OBSL1: variants seen among roughly 807,000 people sequenced by gnomAD.
OBSL1 encodes obscurin-like protein 1.
Under a neutral mutation model 172.0 loss-of-function variants are expected in OBSL1, and 160 were observed. The observed-to-expected ratio is 0.93, with a 90% CI of 0.82 to 1.06. The LOEUF is 1.06. OBSL1 is among the 50% of genes least tolerant of loss of function. The pLI is 0.00. For missense variants in OBSL1, 2,681 were observed against 2,715.4 expected, an observed-to-expected ratio of 0.99 and a Z score of 0.28; for synonymous variants, 1,200 against 1,196.3, an observed-to-expected ratio of 1.00 and a Z score of -0.06.
In OBSL1 at chr2:219,567,463, G is replaced by C. The variant is rs772525962; in HGVS notation, c.1647C>G (p.Phe549Leu). ...KPPEPAPETPFIYRLERQEVG... is the reference protein window; with the variant it reads ...KPPEPAPETPLIYRLERQEVG... The stretch of plus-strand genomic sequence containing the variant: ...CTTCCTGCCGCTCCAGCCGGTAGAT[G>C]AATGGGGTCTCGGGAGCTGGCTCGG... The change falls in exon 4 of 21, where the codon TTC becomes TTG. Residue 549 changes from phenylalanine to leucine, a missense_variant. Phe to Leu is a conservative substitution (Grantham distance 22). This residue lies in a region of OBSL1 where 706 missense variants were observed against 695.8 expected (regional missense o/e 1.01). Transcript: ENST00000404537. 29 of 1,613,646 alleles carry C rather than the reference G, an allele frequency of 1.8e-5. 2 individuals are homozygous for C. The South Asian group carries it at 3.2e-4, about 18-fold the overall frequency.
chr2:219,571,120 T>A lies in OBSL1; in HGVS notation c.113A>T (p.Glu38Val). 1.4e-6 allele frequency: 2 copies of A among 1,471,666 alleles called. No individual in the cohort carries two copies. The highest frequency in any genetic ancestry group is 1.8e-6 in the Non-Finnish European group (2 of 1,116,918). The allele number at this position is 1,471,666 out of a possible 1,614,324, so 91.2% of individuals were successfully genotyped here. A position where few individuals can be genotyped will look rare whatever the true frequency, so the allele number is the denominator to read the frequency against. The part of the protein sequence containing the change: ...EAELKCVVLG[E>V]PPPVVVWEKG... ...CTCCCACACCACTACAGGCGGCGGCTCCCCCAGGACCACGCACTTGAGCTC... is the reference window on the plus strand; with the variant it reads ...CTCCCACACCACTACAGGCGGCGGCACCCCCAGGACCACGCACTTGAGCTC... Residue 38 changes from glutamate to valine, a missense_variant, in exon 1 of 21, where the codon GAG (glutamate) becomes GTG (valine). Glu to Val is a moderately radical substitution (Grantham distance 121). This residue lies in a region of OBSL1 where 90 missense variants were observed against 76.6 expected (regional missense o/e 1.18). Coordinates refer to ENST00000404537, the MANE Select transcript of OBSL1 (RefSeq NM_015311.3).
intron 17 of OBSL1, 43 bp downstream of exon 17, chr2:219,552,825 G>A (rs930720783): frequency 1.4e-5 from 22 of 1,536,470 alleles, no homozygotes; most frequent in Non-Finnish European, 1.8e-5. Flanking sequence ...CGCAAGTCTC[G>A]CGCCCAAAGC....
intron 6 of OBSL1, among the ~76,000 whole-genome samples, chr2:219,564,667 C>A (rs115679927): frequency 6.6e-6 from 1 of 152,176 alleles, no homozygotes; most frequent in Non-Finnish European, 1.5e-5. Flanking sequence ...GCACGCTGTG[C>A]GTGGCACACA....
chr2:219,552,827 G>C (rs543188667), intron 17 of OBSL1, 41 bp downstream of exon 17: 13 of 1,538,750 alleles, frequency 8.4e-6, no homozygotes, highest in Non-Finnish European at 1.1e-5. Flanking sequence ...CAAGTCTCGC[G>C]CCCAAAGCAG....
downstream of OBSL1, chr2:219,548,172 C>G: frequency 8.3e-7 from 1 of 1,209,348 alleles, no homozygotes. Flanking sequence ...GGGACAGCAG[C>G]AGAAGGCCTC....
downstream of OBSL1, among the ~76,000 whole-genome samples, chr2:219,548,485 G>A (rs567234929): frequency 3.9e-5 from 6 of 152,200 alleles, no homozygotes; most frequent in South Asian, 4.1e-4. Context: ...GGTCAGGGAA[G>A]GCTGCTTGAA....
intron 20 of OBSL1, chr2:219,551,078 C>A: frequency 7.1e-7 from 1 of 1,416,854 alleles, no homozygotes; most frequent in Non-Finnish European, 9.2e-7. Flanking sequence ...TGGGATGTCT[C>A]TTATGGGGAA....
At position 219,552,677 on chromosome 2, in the gene OBSL1, A is replaced by G. The variant is rs946010750; in HGVS notation, c.5167T>C (p.Ser1723Pro). ...CGGGCGCTCACCGACCGCAGCTCGGAGAGTACCGCCACAGTACGCTCTGGG... is the reference window on the plus strand; with the variant it reads ...CGGGCGCTCACCGACCGCAGCTCGGGGAGTACCGCCACAGTACGCTCTGGG... ...TVRERTVAVLSELRSVSAREG... is the reference protein window; with the variant it reads ...TVRERTVAVLPELRSVSAREG... The change falls in exon 18 of 21, where the codon TCC (serine) becomes CCC (proline). Residue 1723 changes from serine (S) to proline (P), a missense_variant. Ser to Pro is a moderately conservative substitution (Grantham distance 74). This residue lies in a region of OBSL1 where 1,765 missense variants were observed against 1,748.3 expected (regional missense o/e 1.01). Transcript: ENST00000404537. 3 of 1,535,646 alleles carry G rather than the reference A, an allele frequency of 2.0e-6. No individual in the cohort carries two copies. The highest frequency in any genetic ancestry group is 2.6e-6 in the Non-Finnish European group (3 of 1,144,780).
chr2:219,548,155 G>C, downstream of OBSL1: 1 of 1,341,252 alleles, frequency 7.5e-7, no homozygotes, highest in Non-Finnish European at 9.9e-7. Flanking sequence ...AAGTGACTGG[G>C]GAGTGGGGGA....
rs752822485 is a variant in OBSL1 at position 219,558,183 on chromosome 2, C to T, written c.3502+1G>A. 51 of 1,607,772 alleles carry T rather than the reference C, an allele frequency of 3.2e-5. No homozygotes were observed. The highest frequency in any genetic ancestry group is 4.3e-5 in the Non-Finnish European group (50 of 1,175,222). ...GCCCTGGGTTGGCCAGGAGCACCCA[C>T]CAGCCAGGATGACATTGAAGGTGAT... On this transcript the variant is annotated splice_donor_variant, in intron 10 of 20. Coordinates refer to ENST00000404537, the MANE Select transcript of OBSL1 (RefSeq NM_015311.3). LOFTEE classifies it high-confidence loss of function.
At chr2:219,557,080 A>C in intron 12 of OBSL1, 1 of 489,470 alleles carries the variant, frequency 2.0e-6, no homozygotes, top group South Asian at 4.8e-5. Context: ...CCAATGTCAC[A>C]CAGCTACTGG....
chr2:219,550,512 G>C (rs554471598), downstream of OBSL1: 1 of 388,130 alleles, frequency 2.6e-6, no homozygotes, highest in South Asian at 3.6e-5. Context: ...TGCCAACCTA[G>C]ACACCTCATG....
At chr2:219,555,303 CCA>C (rs1219147346) in intron 14 of OBSL1, 3 of 153,368 alleles carry the variant, frequency 2.0e-5, no homozygotes, top group African/African-American at 7.2e-5. Context: ...GGGATCAACC[CCA>C]TTTTTAAAAT....
chr2:219,557,167 C>G (rs1696077405), intron 12 of OBSL1, 176 bp downstream of exon 12: 1 of 612,142 alleles, frequency 1.6e-6, no homozygotes, highest in South Asian at 3.2e-5. Flanking sequence ...ATGCTGCTCT[C>G]AACATGAGGG....
At position 219,554,632 on chromosome 2, in the gene OBSL1, G is replaced by T. The variant is rs1193594296; in HGVS notation, c.4718C>A (p.Ala1573Asp). 6.2e-7 allele frequency: 1 copy of T among 1,611,688 alleles called. No homozygotes were observed. Among genetic ancestry groups the T allele is most frequent in the South Asian group, 1.1e-5 (1 of 90,732 alleles). ...LSQEGVTGEW[A>D]RGGVQLYPGP... ...TGGATACAGCTGTACTCCACCCCGG[G>T]CCCACTCCCCGGTCACACCTTCCTG... The change falls in exon 15 of 21, where the codon GCC becomes GAC. Residue 1573 changes from alanine to aspartate, a missense_variant. By Grantham distance (126) the Ala-to-Asp change is moderately radical. Transcript: ENST00000404537.
In OBSL1 at chr2:219,567,818, G is replaced by A; in HGVS notation, c.1434C>T (p.His478=). 1 of 1,613,964 alleles carries A rather than the reference G, an allele frequency of 6.2e-7. No individual in the cohort carries two copies. Among genetic ancestry groups the A allele is most frequent in the East Asian group, 2.2e-5 (1 of 44,880 alleles). The change falls in exon 3 of 21, where the codon CAC becomes CAT. Residue 478 remains histidine (H), a synonymous_variant. Coordinates refer to ENST00000404537, the MANE Select transcript of OBSL1 (RefSeq NM_015311.3). The stretch of plus-strand genomic sequence containing the variant: ...CCCCTGGAAGGACCAGGGCATGCAT[G>A]TGGCCTGAGCTGCTCTGGCAGATGA... ...LPVICQSSSG[H]MHALVLPGVT... is the part of the protein sequence containing the mutation.
chr2:219,569,057 C>T (rs1331995441), intron 1 of OBSL1: 1 of 141,222 alleles, frequency 7.1e-6, no homozygotes, highest in Admixed American at 7.6e-5. Flanking sequence ...TATTTTAACC[C>T]TTTTCAAAAG....
downstream of OBSL1, chr2:219,549,708 C>G (rs1340078327): frequency 6.2e-7 from 1 of 1,613,028 alleles, no homozygotes; most frequent in South Asian, 1.1e-5. Flanking sequence ...TATGTTTGCT[C>G]CCCCACAGAG....
rs1697317135 is a variant in OBSL1 at position 219,571,096 on chromosome 2, T to G, written c.137A>C (p.Glu46Ala). The change falls in exon 1 of 21, where the codon GAG becomes GCG. Residue 46 changes from glutamate to alanine, a missense_variant. Coordinates refer to ENST00000404537, the MANE Select transcript of OBSL1 (RefSeq NM_015311.3). Reference sequence around the variant, plus strand: ...GGCCGCCAGCTGCTGCCCGCCCTTCTCCCACACCACTACAGGCGGCGGCTC... The same window carrying G: ...GGCCGCCAGCTGCTGCCCGCCCTTCGCCCACACCACTACAGGCGGCGGCTC... ...LGEPPPVVVW[E>A]KGGQQLAASE... The G allele has an allele frequency of 6.8e-7, 1 of 1,465,910 alleles. No individual in the cohort carries two copies. Among genetic ancestry groups the G allele is most frequent in the African/African-American group, 1.5e-5 (1 of 68,064 alleles). The allele number at this position is 1,465,910 out of a possible 1,614,324, so 90.8% of individuals were successfully genotyped here. A position where few individuals can be genotyped will look rare whatever the true frequency, so the allele number is the denominator to read the frequency against.
Sources: allele counts gnomAD v4.1 joint callset (sites outside exome capture counted in the v4.1 genomes callset), GRCh38; gene constraint gnomAD v4.1.1; regional missense constraint gnomAD v4.1.1; transcripts MANE v1.5; gene names NCBI Gene and HGNC (gene_info 2026-07-23, HGNC 2026-07-21).